Variants in KAZN observed in about 807,000 individuals in gnomAD.
The protein encoded by KAZN is kazrin, periplakin interacting protein.
A neutral mutation model predicts 87.4 loss-of-function variants in KAZN; 40 were observed. The ratio of observed to expected loss-of-function variants is 0.46; its 90% CI spans 0.36 to 0.60. The LOEUF (loss-of-function observed/expected upper bound fraction) is 0.60, where lower values mean the gene tolerates loss of function less well. KAZN is among the 20% of genes least tolerant of loss of function. The pLI is 0.00. For missense variants in KAZN, 898 were observed against 1,073.9 expected (o/e 0.84, Z 2.29); for synonymous variants, 466 against 458.3 (o/e 1.02, Z -0.22).
chr1:14,107,257 T>G (rs1373415374), intron 1 of KAZN, among the ~76,000 whole-genome samples: 1 of 151,738 alleles, frequency 6.6e-6, no homozygotes, highest in African/African-American at 2.4e-5. Flanking sequence ...CCTGTCATCT[T>G]AATTCAGCCC....
At chr1:14,008,583 A>G (rs887648107) in intron 1 of KAZN, among the ~76,000 whole-genome samples, 2 of 152,188 alleles carry the variant, frequency 1.3e-5, no homozygotes, top group Non-Finnish European at 2.9e-5. Flanking sequence ...AGTGAGCATA[A>G]AGTTCAGTGG....
intron 1 of KAZN, among the ~76,000 whole-genome samples, chr1:14,946,439 G>T (rs538316348): frequency 6.6e-6 from 1 of 150,904 alleles, no homozygotes; most frequent in African/African-American, 2.4e-5. Flanking sequence ...CCGGGTTCAC[G>T]CCATTCTCCT....
At chr1:14,468,661 A>G (rs1233826046) in intron 2 of KAZN, among the ~76,000 whole-genome samples, 1 of 152,200 alleles carries the variant, frequency 6.6e-6, no homozygotes, top group Non-Finnish European at 1.5e-5. Context: ...ATCAAAGCTA[A>G]ATTAGGGGTA....
intron 2 of KAZN, among the ~76,000 whole-genome samples, chr1:14,196,593 G>A (rs747471784): frequency 1.1e-4 from 17 of 152,092 alleles, no homozygotes; most frequent in Non-Finnish European, 2.1e-4. Context: ...AAGGGAAGGC[G>A]AGTGAGAAGA....
intron 1 of KAZN, among the ~76,000 whole-genome samples, chr1:14,098,154 C>G (rs1477645640): frequency 6.6e-6 from 1 of 152,124 alleles, no homozygotes; most frequent in Non-Finnish European, 1.5e-5. Flanking sequence ...TGTGCTGCCT[C>G]AGTCATCTGT....
At chr1:15,050,079 A>T (rs1674158016) in intron 4 of KAZN, among the ~76,000 whole-genome samples, 1 of 82,590 alleles carries the variant, frequency 1.2e-5, no homozygotes, top group Non-Finnish European at 2.1e-5. Flanking sequence ...AGTAGAGTAG[A>T]GTACAGTAGA....
chr1:13,947,680 A>G (rs975651793), intron 1 of KAZN, among the ~76,000 whole-genome samples: 2 of 152,154 alleles, frequency 1.3e-5, no homozygotes, highest in Admixed American at 6.5e-5. Context: ...ATCGTCTCAC[A>G]GTTTTGGAGG....
chr1:14,382,604 T>C (rs992154585), intron 2 of KAZN, among the ~76,000 whole-genome samples: 1 of 148,936 alleles, frequency 6.7e-6, no homozygotes, highest in Non-Finnish European at 1.5e-5. Context: ...TTACTGAGAA[T>C]GATGATTTCC....
exon 1 of KAZN, chr1:13,893,549 G>C: frequency 6.9e-7 from 1 of 1,451,316 alleles, no homozygotes; most frequent in Non-Finnish European, 9.1e-7. Flanking sequence ...CATTTTCTTG[G>C]AAGTGACAAG....
intron 1 of KAZN, among the ~76,000 whole-genome samples, chr1:14,657,503 C>T (rs1638885165): frequency 6.6e-6 from 1 of 152,200 alleles, no homozygotes; most frequent in South Asian, 2.1e-4. Context: ...GCTAGTGGCC[C>T]AGGGACCACA....
intron 1 of KAZN, among the ~76,000 whole-genome samples, chr1:14,851,813 C>T (rs766523377): frequency 1.5e-4 from 23 of 152,184 alleles, no homozygotes; most frequent in Non-Finnish European, 2.5e-4. Flanking sequence ...ACATTGGACG[C>T]CTTCTCATAG....
At chr1:14,889,395 GGATGCA>G (rs1403436325) in intron 1 of KAZN, among the ~76,000 whole-genome samples, 2 of 152,134 alleles carry the variant, frequency 1.3e-5, no homozygotes, top group Non-Finnish European at 2.9e-5. Flanking sequence ...GCAGTAAAAT[GGATGCA>G]CTATAGCCAT....
At chr1:14,531,479 T>G (rs1424441869) in intron 2 of KAZN, among the ~76,000 whole-genome samples, 2 of 152,082 alleles carry the variant, frequency 1.3e-5, no homozygotes, top group African/African-American at 4.8e-5. Context: ...AGGATCACGT[T>G]GTGGGGACCA....
chr1:15,110,507 T>TTG (rs141993516), intron 13 of KAZN, among the ~76,000 whole-genome samples: 87,767 of 138,466 alleles, frequency 0.63, 26,403 homozygotes, highest in East Asian at 0.84. Flanking sequence ...GTGTGTGTAT[T>TTG]TGTGTGTTTG....
intron 1 of KAZN, among the ~76,000 whole-genome samples, chr1:14,018,647 C>A (rs560222839): frequency 6.6e-6 from 1 of 152,126 alleles, no homozygotes. Flanking sequence ...GTACAGACAC[C>A]ATCCCATCTA....
intron 2 of KAZN, among the ~76,000 whole-genome samples, chr1:14,445,681 G>A (rs1666945402): frequency 6.6e-6 from 1 of 152,156 alleles, no homozygotes; most frequent in African/African-American, 2.4e-5. Flanking sequence ...GTCAGTAAAG[G>A]TGCTGTATTG....
At chr1:14,417,668 C>G (rs936447210) in intron 2 of KAZN, among the ~76,000 whole-genome samples, 2 of 152,052 alleles carry the variant, frequency 1.3e-5, no homozygotes, top group African/African-American at 4.8e-5. Flanking sequence ...TTGGGGCCAT[C>G]AGAAAAAGAC....
intron 1 of KAZN, among the ~76,000 whole-genome samples, chr1:14,074,575 G>T (rs1277346887): frequency 1.3e-5 from 2 of 152,112 alleles, no homozygotes; most frequent in Non-Finnish European, 2.9e-5. Flanking sequence ...AGCTGTGGGA[G>T]GGTGCAGGGA....
chr1:14,850,976 T>C (rs931308447), intron 1 of KAZN, among the ~76,000 whole-genome samples: 1 of 152,184 alleles, frequency 6.6e-6, no homozygotes, highest in Non-Finnish European at 1.5e-5. Context: ...GCACGCAGTC[T>C]TTCTCCACTC....
Sources: allele counts gnomAD v4.1 joint callset (sites outside exome capture counted in the v4.1 genomes callset), GRCh38; gene constraint gnomAD v4.1.1; transcripts MANE v1.5; gene names NCBI Gene and HGNC (gene_info 2026-07-23, HGNC 2026-07-21).